The following CDH23 variants were observed in gnomAD, a reference collection of about 807,000 sequenced individuals.
The protein encoded by CDH23 is cadherin related 23.
In CDH23, 189 loss-of-function variants were observed where a neutral mutation model predicts 317.1. That is an observed-to-expected ratio of 0.60 (90% CI 0.53 to 0.67). The LOEUF (loss-of-function observed/expected upper bound fraction) is 0.67. Ranked by LOEUF, CDH23 falls within the 30% of genes least tolerant of loss-of-function variation. The pLI is 0.00. For missense variants in CDH23, 4,401 were observed against 4,592.4 expected (o/e 0.96, Z 1.20); for synonymous variants, 1,839 against 1,876.8 (o/e 0.98, Z 0.52).
chr10:71,426,546 G>A (rs1197491378), intron 1 of CDH23, among the ~76,000 whole-genome samples: 1 of 152,172 alleles, frequency 6.6e-6, no homozygotes, highest in East Asian at 1.9e-4. Context: ...CTGGCTGGGA[G>A]TGAGAGGTGG....
chr10:71,736,555 G>A (rs1487316733), intron 34 of CDH23, among the ~76,000 whole-genome samples: 6 of 152,138 alleles, frequency 3.9e-5, no homozygotes, highest in Non-Finnish European at 8.8e-5. Flanking sequence ...TGAGGCCCTG[G>A]GTGAAGACAC....
In CDH23 at chr10:71,807,903, C is replaced by T. The variant is rs1304102650; in HGVS notation, c.8618C>T (p.Ala2873Val). 1 of 1,603,748 alleles carries T rather than the reference C, an allele frequency of 6.2e-7. No homozygotes were observed. Among genetic ancestry groups the T allele is most frequent in the Admixed American group, 1.7e-5 (1 of 58,494 alleles). Residue 2873 changes from alanine (A) to valine (V), a missense_variant, in exon 60 of 70, where the codon GCA becomes GTA. By Grantham distance (64) the Ala-to-Val change is moderately conservative. Coordinates refer to ENST00000224721, the MANE Select transcript of CDH23 (RefSeq NM_022124.6). ...SELIQVLALDADIGNNSLVFY... is the reference protein window; with the variant it reads ...SELIQVLALDVDIGNNSLVFY... ...TTGATCCAGGTGCTGGCCCTGGATGCAGACATTGGCAACAACAGCCTTGTC... is the reference window on the plus strand; with the variant it reads ...TTGATCCAGGTGCTGGCCCTGGATGTAGACATTGGCAACAACAGCCTTGTC...
In CDH23 at chr10:71,784,276, G is replaced by C; in HGVS notation, c.5369-11G>C. ...GCCCGACTAACTTGGGCCTCTCCTG[G>C]TGACACCCAGGGGAGTTTGTGATCT... On this transcript the variant is annotated splice_polypyrimidine_tract_variant and intron_variant, in intron 41 of 69. Transcript: ENST00000224721. The C allele has an allele frequency of 1.2e-6, 2 of 1,611,548 alleles. No homozygotes were observed. The highest frequency in any genetic ancestry group is 3.3e-4 in the Middle Eastern group (2 of 6,050).
intron 3 of CDH23, among the ~76,000 whole-genome samples, chr10:71,488,858 T>C (rs549930973): frequency 4.6e-5 from 7 of 152,374 alleles, no homozygotes; most frequent in African/African-American, 1.4e-4. Flanking sequence ...TAATATGGAA[T>C]TCTAGGTTGC....
chr10:71,811,765 C>T lies in CDH23; in HGVS notation c.9319+12C>T, dbSNP rs772195664. 2 of 1,566,398 alleles carry T rather than the reference C, an allele frequency of 1.3e-6. No homozygotes were observed. The highest frequency in any genetic ancestry group is 1.7e-6 in the Non-Finnish European group (2 of 1,156,072). ...GGCTGGCTCAGCTGGTAAGTGAGGG[C>T]CATAGTGGGGACACAGGTGAGAAGG... On this transcript the variant is annotated intron_variant, in intron 65 of 69. Transcript: ENST00000224721.
chr10:71,714,035 G>A (rs1158261849), intron 28 of CDH23: 2 of 152,178 alleles, frequency 1.3e-5, no homozygotes. Context: ...CCTAGAGCCA[G>A]CGAGTTAATA....
chr10:71,499,572 G>C (rs923285041), intron 3 of CDH23, among the ~76,000 whole-genome samples: 1 of 149,744 alleles, frequency 6.7e-6, no homozygotes, highest in African/African-American at 2.5e-5. Flanking sequence ...AGGTGCCGTG[G>C]CTCACGCCTG....
chr10:71,739,956 A>C (rs1839688641), intron 36 of CDH23, among the ~76,000 whole-genome samples, 184 bp downstream of exon 36: 1 of 152,190 alleles, frequency 6.6e-6, no homozygotes, highest in South Asian at 2.1e-4. Context: ...CTGACCCAGG[A>C]TAGGGAAACC....
At position 71,740,955 on chromosome 10, in the gene CDH23, G is replaced by C. The variant is rs772189237; in HGVS notation, c.4617+5G>C. The C allele has an allele frequency of 8.7e-6, 14 of 1,613,898 alleles. No individual in the cohort carries two copies. In the South Asian group the frequency reaches 1.4e-4, roughly 16 times the overall value. ...TACAATGTCAGTGTGAATGAGGTGA[G>C]GGCAGCCCCGGGGCCCATATAGCTG... On this transcript the variant is annotated splice_donor_5th_base_variant and intron_variant, in intron 37 of 69. Transcript: ENST00000224721.
rs41281330 is a variant in CDH23 at position 71,777,692 on chromosome 10, G to A, written c.4858G>A (p.Val1620Met). 0.014 allele frequency: 23,281 copies of A among 1,611,636 alleles called. 365 individuals carry two copies. Among genetic ancestry groups the A allele is most frequent in the South Asian group, 0.048 (4,368 of 90,536 alleles). Residue 1620 changes from valine (V) to methionine (M), a missense_variant, in exon 39 of 70, where the codon GTG (valine) becomes ATG (methionine). Val to Met is a conservative substitution (Grantham distance 21, BLOSUM62 1). Transcript: ENST00000224721. ...GTPTLSATTH[V>M]YVTIVDENDN... ...CTCTTTTCCACAGGCCACCACGCAC[G>A]TGTACGTGACCATTGTGGATGAGAA...
At chr10:71,439,718 C>A in intron 1 of CDH23, 109 bp from the exon 2 acceptor site, 1 of 760,282 alleles carries the variant, frequency 1.3e-6, no homozygotes, top group Non-Finnish European at 2.2e-6. Flanking sequence ...CTTCTCCTCC[C>A]TTCCCAGCCC....
At chr10:71,683,128 T>C (rs1864722851) in intron 18 of CDH23, among the ~76,000 whole-genome samples, 1 of 152,136 alleles carries the variant, frequency 6.6e-6, no homozygotes, top group East Asian at 1.9e-4. Flanking sequence ...GCTGAATCCA[T>C]CTCCACGCTG....
intron 6 of CDH23, among the ~76,000 whole-genome samples, chr10:71,528,302 A>G (rs1855157556): frequency 2.0e-5 from 3 of 151,926 alleles, no homozygotes; most frequent in Admixed American, 2.0e-4. Context: ...CTCTCCCTAA[A>G]GAAGGTCATG....
In CDH23 at chr10:71,809,937, G is replaced by T; in HGVS notation, c.8840G>T (p.Gly2947Val). 1 of 1,612,768 alleles carries T rather than the reference G, an allele frequency of 6.2e-7. No individual in the cohort carries two copies. Residue 2947 changes from glycine to valine, a missense_variant, in exon 61 of 70, where the codon GGC becomes GTC. Transcript: ENST00000224721. Reference protein sequence around the residue: ...LAGHNDTAIIGIYILRDDQRV... With the variant: ...LAGHNDTAIIVIYILRDDQRV... ...GGCCACAACGACACGGCCATCATCG[G>T]CATCTACATCCTGAGGGACGACCAG...
chr10:71,727,523 G>A (rs1866870944), intron 30 of CDH23, among the ~76,000 whole-genome samples: 1 of 152,206 alleles, frequency 6.6e-6, no homozygotes, highest in South Asian at 2.1e-4. Context: ...CCAGCAGCAG[G>A]GGAGAGACGG....
At chr10:71,645,070 G>A (rs1862767068) in intron 12 of CDH23, among the ~76,000 whole-genome samples, 1 of 152,250 alleles carries the variant, frequency 6.6e-6, no homozygotes, top group Admixed American at 6.5e-5. Flanking sequence ...AGGAGAGTCA[G>A]GTAGCATCTG....
intron 9 of CDH23, among the ~76,000 whole-genome samples, chr10:71,605,163 A>G (rs1315654395): frequency 6.6e-6 from 1 of 152,172 alleles, no homozygotes; most frequent in Non-Finnish European, 1.5e-5. Flanking sequence ...CATTAATTAC[A>G]TTCACAGTGT....
rs768862595 is a variant in CDH23, at chr10:71,702,726, C to T, written c.2733+32C>T. The T allele has an allele frequency of 1.9e-6, 3 of 1,612,710 alleles. No individual in the cohort carries two copies. The East Asian group carries it at 6.7e-5, about 36-fold the overall frequency. Reference sequence around the variant, plus strand: ...CTCTATCATCTCATTCCTACCAGCCCAGAGGTGGGCAGTGGGTGCCTGAGG... The same window carrying T: ...CTCTATCATCTCATTCCTACCAGCCTAGAGGTGGGCAGTGGGTGCCTGAGG... On this transcript the variant is annotated intron_variant, in intron 24 of 69. Transcript: ENST00000224721.
chr10:71,810,735 G>A (rs1202798199), intron 62 of CDH23, among the ~76,000 whole-genome samples, 166 bp downstream of exon 62: 1 of 152,118 alleles, frequency 6.6e-6, no homozygotes, highest in African/African-American at 2.4e-5. Flanking sequence ...AGCAGAGTTT[G>A]GGGGTATGAG....
Sources: gnomAD v4.1 joint callset for allele counts (sites outside exome capture counted in the v4.1 genomes callset) on GRCh38, gnomAD v4.1.1 for gene constraint, MANE v1.5 for transcripts, NCBI Gene and HGNC (gene_info 2026-07-23, HGNC 2026-07-21) for gene names.